MYO1D: variants seen among roughly 807,000 people sequenced by gnomAD.
The protein encoded by MYO1D is unconventional myosin-Id.
In MYO1D, 83 loss-of-function variants were observed where a neutral mutation model predicts 122.0. The ratio of observed to expected loss-of-function variants is 0.68; its 90% confidence interval spans 0.57 to 0.82. The LOEUF (loss-of-function observed/expected upper bound fraction) is 0.82, where lower values mean the gene tolerates loss of function less well. Ranked by LOEUF, MYO1D falls within the 40% of genes least tolerant of loss-of-function variation. The pLI is 0.00. For synonymous variants in MYO1D, 464 were observed against 446.9 expected (o/e 1.04, Z -0.48); for missense variants, 1,157 against 1,269.5 (o/e 0.91, Z 1.35).
intron 16 of MYO1D, among the ~76,000 whole-genome samples, chr17:32,693,856 G>T (rs990828474): frequency 6.6e-6 from 1 of 152,190 alleles, no homozygotes; most frequent in African/African-American, 2.4e-5. Context: ...CCAAGTAGGT[G>T]GGAAGAGAAA....
At chr17:32,875,565 T>C (rs906090631) in intron 1 of MYO1D, among the ~76,000 whole-genome samples, 2 of 152,238 alleles carry the variant, frequency 1.3e-5, no homozygotes, top group South Asian at 2.1e-4. Context: ...ATAATGGGTA[T>C]TGGTTATAGC....
At position 32,493,204 on chromosome 17, in the gene MYO1D, G is replaced by C. The variant is rs1257755404; in HGVS notation, c.*1555C>G. On this transcript the variant is annotated 3_prime_UTR_variant, in exon 22 of 22. Transcript: ENST00000318217. The stretch of plus-strand genomic sequence containing the variant: ...CCTGTGCAGGCAGCTGACCAGGCTT[G>C]GAGAATGAGAAAGGGTTCCCAAGGA... 2.0e-5 allele frequency: 3 copies of C among 152,270 alleles called. No homozygotes were observed. The highest frequency in any genetic ancestry group is 1.3e-4 in the Admixed American group (2 of 15,290). The allele number at this position is 152,270 out of a possible 1,614,324, so 9.4% of individuals were successfully genotyped here. A position where few individuals can be genotyped will look rare whatever the true frequency, so the allele number is the denominator to read the frequency against.
intron 21 of MYO1D, among the ~76,000 whole-genome samples, chr17:32,526,362 T>C (rs1404586043): frequency 2.6e-5 from 4 of 152,228 alleles, no homozygotes; most frequent in South Asian, 4.1e-4. Flanking sequence ...TGCCCTTCAA[T>C]AGCCTCTAAG....
intron 21 of MYO1D, among the ~76,000 whole-genome samples, chr17:32,590,190 A>G (rs111236693): frequency 5.9e-5 from 9 of 152,208 alleles, no homozygotes; most frequent in African/African-American, 1.2e-4. Context: ...TTCCAGTCTC[A>G]TTTCTTGCTA....
chr17:32,822,671 C>T (rs938142856), intron 1 of MYO1D, among the ~76,000 whole-genome samples: 45 of 149,816 alleles, frequency 3.0e-4, no homozygotes, highest in African/African-American at 8.2e-4. Flanking sequence ...GGCGGCCACC[C>T]GGGGTTCCGG....
rs2090468066 is a variant in MYO1D, at chr17:32,802,321, T to TACTA, written c.96-21541_96-21538dup. Among the ~76,000 whole-genome samples, 6 of 152,358 alleles carry TACTA rather than the reference T, an allele frequency of 3.9e-5. No homozygotes were observed. The South Asian group carries it at 1.2e-3, about 32-fold the overall frequency. On this transcript the variant is annotated intron_variant, in intron 1 of 21. Coordinates refer to ENST00000318217, the MANE Select transcript of MYO1D (RefSeq NM_015194.3). ...CTTTGAGTACTTTATTATGTCAAGG[T>TACTA]ACTAACAGTTTGGATGCAGAGACAA...
rs1377064442 is a variant in MYO1D at position 32,760,341 on chromosome 17, A to C, written c.1245T>G (p.Val415=). The C allele has an allele frequency of 6.2e-7, 1 of 1,612,800 alleles. No individual in the cohort carries two copies. The highest frequency in any genetic ancestry group is 1.7e-5 in the Admixed American group (1 of 60,020). The part of the protein sequence containing the change: ...EKLQQLFIQL[V]LKQEQEEYQR... ...GGTATTCCTCTTGTTCTTGCTTCAG[A>C]ACCAGCTGAATAAATAGCTGCTGCA... is the stretch of plus-strand genomic sequence containing the variant. The change falls in exon 10 of 22, where the codon GTT becomes GTG. Residue 415 remains valine, a synonymous_variant. Coordinates refer to ENST00000318217, the MANE Select transcript of MYO1D (RefSeq NM_015194.3).
At chr17:32,658,998 A>G in intron 17 of MYO1D, 117 bp downstream of exon 17, 2 of 963,022 alleles carry the variant, frequency 2.1e-6, no homozygotes, top group East Asian at 5.2e-5. Context: ...CATAAGGTAA[A>G]GGTAAATGTC....
At chr17:32,829,018 A>ACACACTTATT in intron 1 of MYO1D, among the ~76,000 whole-genome samples, 1 of 152,352 alleles carries the variant, frequency 6.6e-6, no homozygotes, top group Non-Finnish European at 1.5e-5. Flanking sequence ...CACTGCCTCA[A>ACACACTTATT]TTCCACACAG....
intron 1 of MYO1D, among the ~76,000 whole-genome samples, chr17:32,869,492 G>A (rs2091159788): frequency 6.6e-6 from 1 of 152,194 alleles, no homozygotes; most frequent in Non-Finnish European, 1.5e-5. Flanking sequence ...ACTTAGCAGT[G>A]GCTGGGCAAT....
intron 16 of MYO1D, among the ~76,000 whole-genome samples, chr17:32,709,247 T>C (rs1419735904): frequency 6.6e-6 from 1 of 152,098 alleles, no homozygotes; most frequent in Non-Finnish European, 1.5e-5. Context: ...CAACAGGCAA[T>C]TGCCATAAAC....
Position 32,605,212 on chromosome 17 carries a change from CT to C in MYO1D, c.2738del (p.Lys913ArgfsTer5). The C allele has an allele frequency of 6.3e-7, 1 of 1,587,802 alleles. No individual in the cohort carries two copies. Among genetic ancestry groups the C allele is most frequent in the Non-Finnish European group, 8.6e-7 (1 of 1,160,360 alleles). ...NLTGLSVSNG[K>X]DQLVVFHTKD... ...TCGTATGGAACACTACAAGTTGGTC[CT>C]TTCCATTGGAGACACTCAGACCAGT... On this transcript the variant is annotated frameshift_variant, in exon 21 of 22. Coordinates refer to ENST00000318217, the MANE Select transcript of MYO1D (RefSeq NM_015194.3). LOFTEE classifies it high-confidence loss of function.
intron 16 of MYO1D, among the ~76,000 whole-genome samples, chr17:32,678,057 A>G (rs1178039009): frequency 1.3e-5 from 2 of 152,184 alleles, no homozygotes; most frequent in East Asian, 3.8e-4. Context: ...CAGAAGATGG[A>G]CACTATGGTG....
At chr17:32,841,242 A>G (rs2090877569) in intron 1 of MYO1D, among the ~76,000 whole-genome samples, 1 of 152,164 alleles carries the variant, frequency 6.6e-6, no homozygotes, top group Non-Finnish European at 1.5e-5. Context: ...CTAGGCAGAC[A>G]GATGACTTGA....
At chr17:32,696,321 C>T (rs1223464692) in intron 16 of MYO1D, among the ~76,000 whole-genome samples, 32 of 151,812 alleles carry the variant, frequency 2.1e-4, no homozygotes, top group Non-Finnish European at 4.7e-4. Flanking sequence ...GTAAATAAGC[C>T]ATTAGTACAC....
chr17:32,521,810 G>A (rs768517598), intron 21 of MYO1D, among the ~76,000 whole-genome samples: 1 of 152,118 alleles, frequency 6.6e-6, no homozygotes, highest in African/African-American at 2.4e-5. Context: ...TAGGCCAGGC[G>A]CGGTGGCTCA....
intron 16 of MYO1D, among the ~76,000 whole-genome samples, chr17:32,694,939 C>T (rs2089153116): frequency 1.3e-5 from 2 of 152,134 alleles, no homozygotes; most frequent in Admixed American, 1.3e-4. Flanking sequence ...ACCTGGGAAT[C>T]ATTGATTCCT....
In MYO1D at chr17:32,738,321, G is replaced by T; in HGVS notation, c.1678C>A (p.Arg560=). The change falls in exon 14 of 22, where the codon CGA becomes AGA. Residue 560 remains arginine (R), a synonymous_variant. Transcript: ENST00000318217. The part of the protein sequence containing the change: ...GKLSITEVTK[R]PLTAATLFKN... ...AACAAGGTAGCAGCAGTCAGAGGTC[G>T]CTTGGTCACCTCTGTAATGCTCAGT... 1 of 1,610,064 alleles carries T rather than the reference G, an allele frequency of 6.2e-7. No individual in the cohort carries two copies. The highest frequency in any genetic ancestry group is 8.5e-7 in the Non-Finnish European group (1 of 1,177,862).
At chr17:32,771,098 G>C in intron 6 of MYO1D, 27 bp downstream of exon 6, 1 of 1,506,606 alleles carries the variant, frequency 6.6e-7, no homozygotes, top group Non-Finnish European at 9.2e-7. Context: ...TTTTCTATTG[G>C]AGCAATCTCA....
Sources: allele counts gnomAD v4.1 joint callset (sites outside exome capture counted in the v4.1 genomes callset), GRCh38; gene constraint gnomAD v4.1.1; transcripts MANE v1.5; gene names NCBI Gene and HGNC (gene_info 2026-07-23, HGNC 2026-07-21).